Variants in TUSC3 observed in about 807,000 individuals in gnomAD.
TUSC3 encodes tumor suppressor candidate 3.
Under a neutral mutation model 44.8 loss-of-function variants are expected in TUSC3, and 45 were observed. The ratio of observed to expected loss-of-function variants is 1.00; its 90% CI spans 0.79 to 1.29. The LOEUF (loss-of-function observed/expected upper bound fraction) is 1.29, where lower values mean the gene tolerates loss of function less well. TUSC3 is among the 50% of genes most tolerant of loss of function. The pLI is 0.00. For synonymous variants in TUSC3, 212 were observed against 152.9 expected, an observed-to-expected ratio of 1.39 and a Z score of -2.85; for missense variants, 519 against 437.9, an observed-to-expected ratio of 1.19 and a Z score of -1.65.
At chr8:15,809,295 T>C in the TUSC3 span, among the ~76,000 whole-genome samples, 10 of 152,198 alleles carry the variant, frequency 6.6e-5, no homozygotes, top group Non-Finnish European at 1.3e-4. Context: ...CAAAACATAG[T>C]TACTTGTCCT....
chr8:15,484,207 T>C (rs55918312), intron 2 of TUSC3, among the ~76,000 whole-genome samples: 1 of 152,188 alleles, frequency 6.6e-6, no homozygotes, highest in East Asian at 1.9e-4. Flanking sequence ...CATGCACTTA[T>C]GCAACCATAA....
At chr8:15,490,311 G>C (rs186189560) in intron 2 of TUSC3, among the ~76,000 whole-genome samples, 1 of 152,162 alleles carries the variant, frequency 6.6e-6, no homozygotes, top group Non-Finnish European at 1.5e-5. Flanking sequence ...ATTCTGGCAG[G>C]ATTGTCTTTT....
At chr8:15,434,406 C>G (rs1353429870) in intron 1 of TUSC3, among the ~76,000 whole-genome samples, 1 of 152,030 alleles carries the variant, frequency 6.6e-6, no homozygotes, top group Non-Finnish European at 1.5e-5. Flanking sequence ...TCTTCAAAAT[C>G]TTCCAGATTG....
chr8:15,728,333 T>G (rs71524165), intron 6 of TUSC3, among the ~76,000 whole-genome samples: 39,361 of 151,922 alleles, frequency 0.26, 6,419 homozygotes, highest in Admixed American at 0.38. Flanking sequence ...AGACAAATCT[T>G]TGGGCCTTAT....
chr8:15,493,090 CA>C (rs113010916), intron 2 of TUSC3, among the ~76,000 whole-genome samples: 1,812 of 151,702 alleles, frequency 0.012, 39 homozygotes, highest in African/African-American at 0.041. Flanking sequence ...CTTTAATACA[CA>C]AAAAAAATCC....
At chr8:15,496,072 C>G (rs1056324639) in intron 2 of TUSC3, among the ~76,000 whole-genome samples, 7 of 152,242 alleles carry the variant, frequency 4.6e-5, no homozygotes, top group African/African-American at 1.7e-4. Context: ...GTCTAATAGA[C>G]TCAACTTTGT....
At chr8:15,426,714 G>T (rs1799808625) in intron 1 of TUSC3, among the ~76,000 whole-genome samples, 1 of 152,168 alleles carries the variant, frequency 6.6e-6, no homozygotes, top group South Asian at 2.1e-4. Context: ...ATCTCTCCAA[G>T]ATCCTGATTT....
intron 6 of TUSC3, among the ~76,000 whole-genome samples, chr8:15,686,864 C>G (rs1385593065): frequency 2.6e-5 from 4 of 151,864 alleles, no homozygotes; most frequent in East Asian, 1.9e-4. Context: ...GTCAGGAGAT[C>G]GAGACCATCC....
intron 6 of TUSC3, among the ~76,000 whole-genome samples, chr8:15,708,935 G>C (rs1162345815): frequency 2.0e-5 from 3 of 151,870 alleles, no homozygotes; most frequent in African/African-American, 4.8e-5. Context: ...TGAGTCTTAT[G>C]TAAAGTAAAT....
At chr8:15,725,603 C>CTGATGATGATGA (rs56849270) in intron 6 of TUSC3, among the ~76,000 whole-genome samples, 5 of 151,200 alleles carry the variant, frequency 3.3e-5, no homozygotes, top group African/African-American at 4.9e-5. Context: ...TCTTAGATGA[C>CTGATGATGATGA]TGATGATGAT....
chr8:15,436,947 C>T (rs970507056), intron 1 of TUSC3, among the ~76,000 whole-genome samples: 1 of 152,108 alleles, frequency 6.6e-6, no homozygotes, highest in South Asian at 2.1e-4. Flanking sequence ...TCCTATTAAG[C>T]AAATTAGAAT....
intron 7 of TUSC3, among the ~76,000 whole-genome samples, chr8:15,740,942 G>T (rs956915125): frequency 6.6e-6 from 1 of 152,094 alleles, no homozygotes; most frequent in African/African-American, 2.4e-5. Flanking sequence ...GTAATTTTCT[G>T]TTACCACATT....
chr8:15,451,225 A>T (rs1800194238), intron 1 of TUSC3, among the ~76,000 whole-genome samples: 1 of 152,106 alleles, frequency 6.6e-6, no homozygotes, highest in South Asian at 2.1e-4. Context: ...TTATATCTAT[A>T]TTTGGTCTTT....
chr8:15,840,681 CAG>C, the TUSC3 span, among the ~76,000 whole-genome samples: 1 of 152,186 alleles, frequency 6.6e-6, no homozygotes, highest in African/African-American at 2.4e-5. Context: ...CAGAAAGTCT[CAG>C]AATAAATAGA....
At chr8:15,755,081 C>T (rs1006872073) in intron 9 of TUSC3, among the ~76,000 whole-genome samples, 3 of 152,058 alleles carry the variant, frequency 2.0e-5, no homozygotes, top group Non-Finnish European at 4.4e-5. Context: ...TAACAGTTTA[C>T]GTATGAATCT....
chr8:15,682,533 T>C (rs1808468492), intron 6 of TUSC3, among the ~76,000 whole-genome samples: 1 of 152,204 alleles, frequency 6.6e-6, no homozygotes, highest in South Asian at 2.1e-4. Context: ...TTCCATTACT[T>C]TGAGCCTGTG....
intron 6 of TUSC3, among the ~76,000 whole-genome samples, chr8:15,716,975 G>C (rs1810084316): frequency 6.6e-6 from 1 of 152,006 alleles, no homozygotes; most frequent in Non-Finnish European, 1.5e-5. Flanking sequence ...GGGTTTAAAT[G>C]TATTGTATAT....
At chr8:15,564,701 G>T (rs981858810) in intron 1 of TUSC3, among the ~76,000 whole-genome samples, 2 of 152,098 alleles carry the variant, frequency 1.3e-5, no homozygotes, top group African/African-American at 4.8e-5. Flanking sequence ...GTTTAGATAG[G>T]ACATTGTGAC....
At chr8:15,742,426 G>C (rs1371669292) in intron 7 of TUSC3, among the ~76,000 whole-genome samples, 3 of 152,092 alleles carry the variant, frequency 2.0e-5, no homozygotes, top group African/African-American at 7.2e-5. Context: ...GGATAATATG[G>C]TCATGAAGAC....
Sources: gnomAD v4.1 joint callset for allele counts (sites outside exome capture counted in the v4.1 genomes callset) on GRCh38, gnomAD v4.1.1 for gene constraint, MANE v1.5 for transcripts, NCBI Gene and HGNC (gene_info 2026-07-23, HGNC 2026-07-21) for gene names.